The following FBXO9 variants were observed in gnomAD, a reference collection of about 807,000 sequenced individuals.
FBXO9 encodes F-box protein 9.
In FBXO9, 43 loss-of-function variants were observed where a neutral mutation model predicts 63.7. The observed-to-expected ratio is 0.67, with a 90% CI of 0.53 to 0.87. The LOEUF (loss-of-function observed/expected upper bound fraction) is 0.87. Among genes scored for constraint, FBXO9 ranks in the 40% least tolerant of loss-of-function variants. The pLI is 0.00. For missense variants in FBXO9, 442 were observed against 533.2 expected (o/e 0.83, Z 1.68); for synonymous variants, 156 against 171.7 (o/e 0.91, Z 0.72).
At chr6:53,085,712 T>C (rs1232475445) in intron 7 of FBXO9, among the ~76,000 whole-genome samples, 1 of 151,958 alleles carries the variant, frequency 6.6e-6, no homozygotes, top group South Asian at 2.1e-4. Context: ...ATCAATAATA[T>C]ACCCATAAAT....
intron 12 of FBXO9, 88 bp from the exon 13 acceptor site, chr6:53,097,634 A>G (rs1235406367): frequency 4.5e-6 from 3 of 667,908 alleles, no homozygotes; most frequent in Non-Finnish European, 7.3e-6. Flanking sequence ...AAAAGGCTAA[A>G]GCATAGAATA....
In FBXO9 at chr6:53,065,746, G is replaced by C. The variant is rs2127484986; in HGVS notation, c.-44G>C. ...CCCTCCTCCGGGGGGCGGTGCAGAGGGGGCACGGAGAGCCCCTCGAGCGCA... is the reference window on the plus strand; with the variant it reads ...CCCTCCTCCGGGGGGCGGTGCAGAGCGGGCACGGAGAGCCCCTCGAGCGCA... On this transcript the variant is annotated 5_prime_UTR_variant, in exon 1 of 13. Transcript: ENST00000323557. 4.2e-6 allele frequency: 6 copies of C among 1,419,882 alleles called. No individual in the cohort carries two copies. The highest frequency in any genetic ancestry group is 3.0e-5 in the East Asian group (1 of 33,204). The allele number at this position is 1,419,882 out of a possible 1,614,324, so 88.0% of individuals were successfully genotyped here.
rs921789811 is a variant in FBXO9, at chr6:53,098,033, AT to A, written c.*211del. The A allele has an allele frequency of 7.9e-5, 13 of 164,492 alleles. No homozygotes were observed. Among genetic ancestry groups the A allele is most frequent in the African/African-American group, 2.1e-4 (8 of 37,478 alleles). 10.2% of individuals were successfully genotyped at this position (164,492 alleles called of 1,614,324 possible). A position where few individuals can be genotyped will look rare whatever the true frequency, so the allele number is the denominator to read the frequency against. On this transcript the variant is annotated 3_prime_UTR_variant, in exon 13 of 13. Coordinates refer to ENST00000323557, the MANE Select transcript of FBXO9 (RefSeq NM_033480.3). ...CTTTTAAGAAGAATATAAATTGATTATTTTTTTTATTTAAAGGGATAGTTGA... is the reference window on the plus strand; with the variant it reads ...CTTTTAAGAAGAATATAAATTGATTATTTTTTTATTTAAAGGGATAGTTGA...
rs921789811 is a variant in FBXO9, at chr6:53,098,033, A to AT, written c.*211dup. 18 of 164,590 alleles carry AT rather than the reference A, an allele frequency of 1.1e-4. No homozygotes were observed. The highest frequency in any genetic ancestry group is 4.9e-4 in the South Asian group (4 of 8,174). 10.2% of individuals were successfully genotyped at this position (164,590 alleles called of 1,614,324 possible). ...CTTTTAAGAAGAATATAAATTGATT[A>AT]TTTTTTTTATTTAAAGGGATAGTTG... On this transcript the variant is annotated 3_prime_UTR_variant, in exon 13 of 13. Coordinates refer to ENST00000323557, the MANE Select transcript of FBXO9 (RefSeq NM_033480.3).
chr6:53,091,832 T>C (rs1763048425), intron 7 of FBXO9: 3 of 152,850 alleles, frequency 2.0e-5, no homozygotes, highest in Admixed American at 6.5e-5. Context: ...TCCACTCTTA[T>C]ACCACTAGAC....
Position 53,071,036 on chromosome 6 carries a change from AT to A in FBXO9, c.4-18del. The A allele has an allele frequency of 6.4e-7, 1 of 1,561,172 alleles. No homozygotes were observed. The highest frequency in any genetic ancestry group is 2.4e-5 in the East Asian group (1 of 42,370). ...CTGGTGTGTTTATATGCCTGACATT[AT>A]TTGGGTTTTCCCCCCTCAGGCAGAA... On this transcript the variant is annotated intron_variant, in intron 1 of 12. Coordinates refer to ENST00000323557, the MANE Select transcript of FBXO9 (RefSeq NM_033480.3).
chr6:53,075,881 C>CTT (rs1769090549), intron 3 of FBXO9, among the ~76,000 whole-genome samples: 1 of 151,054 alleles, frequency 6.6e-6, no homozygotes, highest in Non-Finnish European at 1.5e-5. Flanking sequence ...GTAGCTGAGA[C>CTT]TGTAGACGTG....
intron 3 of FBXO9, 40 bp from the exon 4 acceptor site, chr6:53,076,446 A>C: frequency 7.5e-7 from 1 of 1,333,428 alleles, no homozygotes; most frequent in Non-Finnish European, 1.0e-6. Flanking sequence ...ACTAATTTTT[A>C]ATGCAGGTTT....
intron 3 of FBXO9, among the ~76,000 whole-genome samples, chr6:53,074,206 A>G (rs1022250559): frequency 8.0e-6 from 1 of 124,516 alleles, no homozygotes; most frequent in Non-Finnish European, 1.7e-5. Flanking sequence ...GAGTAGGCAC[A>G]GCATACCATT....
intron 2 of FBXO9, among the ~76,000 whole-genome samples, chr6:53,072,942 C>T (rs1381492188): frequency 1.3e-5 from 2 of 152,134 alleles, no homozygotes; most frequent in Admixed American, 6.6e-5. Flanking sequence ...GGGCTGTTCT[C>T]GAACTCCTGA....
chr6:53,094,283 C>T (rs1763141009), intron 11 of FBXO9, among the ~76,000 whole-genome samples: 1 of 152,126 alleles, frequency 6.6e-6, no homozygotes, highest in Non-Finnish European at 1.5e-5. Context: ...TGGCTCTGCT[C>T]ATGTCGAATC....
intron 6 of FBXO9, 34 bp downstream of exon 6, chr6:53,081,132 AATATCTT>A (rs769031268): frequency 1.3e-6 from 2 of 1,589,904 alleles, no homozygotes; most frequent in Admixed American, 3.5e-5. Context: ...CTCAGTGAGA[AATATCTT>A]AACCTTAAAG....
At chr6:53,077,109 A>C (rs932404354) in intron 4 of FBXO9, among the ~76,000 whole-genome samples, 5 of 152,194 alleles carry the variant, frequency 3.3e-5, no homozygotes, top group African/African-American at 7.2e-5. Flanking sequence ...GAGGATGGGA[A>C]TATAAAGGAT....
chr6:53,082,506 C>A lies in FBXO9; in HGVS notation c.541C>A (p.Leu181Met). 1 of 1,608,402 alleles carries A rather than the reference C, an allele frequency of 6.2e-7. No individual in the cohort carries two copies. The highest frequency in any genetic ancestry group is 8.5e-7 in the Non-Finnish European group (1 of 1,176,202). Residue 181 changes from leucine to methionine, a missense_variant and splice_region_variant, in exon 7 of 13, where the codon CTG becomes ATG. Leu to Met is a conservative substitution (Grantham distance 15). Coordinates refer to ENST00000323557, the MANE Select transcript of FBXO9 (RefSeq NM_033480.3). ...LESSQIHISV[L>M]PMEVLMYIFR... Reference sequence around the variant, plus strand: ...TGAAGGATGATTTTCTTTTGCAGTGCTGCCAATGGAGGTCCTGATGTACAT... The same window carrying A: ...TGAAGGATGATTTTCTTTTGCAGTGATGCCAATGGAGGTCCTGATGTACAT...
intron 5 of FBXO9, 45 bp from the exon 6 acceptor site, chr6:53,080,923 G>T (rs377347719): frequency 6.2e-7 from 1 of 1,607,802 alleles, no homozygotes; most frequent in Non-Finnish European, 8.5e-7. Context: ...TAAACTGTAC[G>T]CTTGTAGACT....
chr6:53,093,789 C>A, intron 10 of FBXO9, 96 bp from the exon 11 acceptor site: 1 of 1,025,732 alleles, frequency 9.7e-7, no homozygotes, highest in Non-Finnish European at 1.4e-6. Context: ...TGATTCTTTT[C>A]AAGCAAGAGT....
chr6:53,071,173 T>G, intron 2 of FBXO9, 30 bp downstream of exon 2: 1 of 1,542,280 alleles, frequency 6.5e-7, no homozygotes, highest in Non-Finnish European at 8.8e-7. Context: ...TCTTTGATTT[T>G]TATTCCATTG....
intron 6 of FBXO9, among the ~76,000 whole-genome samples, chr6:53,081,460 AC>A (rs1332225191): frequency 6.6e-6 from 1 of 152,122 alleles, no homozygotes; most frequent in African/African-American, 2.4e-5. Flanking sequence ...TTCAGTAAAG[AC>A]AGAGTTTCAC....
intron 6 of FBXO9, 26 bp from the exon 7 acceptor site, chr6:53,082,478 C>T (rs975456197): frequency 7.5e-6 from 11 of 1,469,040 alleles, no homozygotes; most frequent in Admixed American, 1.7e-5. Flanking sequence ...AGAGGAGAGT[C>T]ACTGAAGGAT....
Sources: allele counts gnomAD v4.1 joint callset (sites outside exome capture counted in the v4.1 genomes callset), GRCh38; gene constraint gnomAD v4.1.1; transcripts MANE v1.5; gene names NCBI Gene and HGNC (gene_info 2026-07-23, HGNC 2026-07-21).